Variants in CPNE2 observed in about 807,000 individuals in gnomAD.
CPNE2 encodes copine-2.
In CPNE2, 42 loss-of-function variants were observed where a neutral mutation model predicts 69.7. That is an observed-to-expected ratio of 0.60 (90% CI 0.47 to 0.78). CPNE2 has a LOEUF of 0.78. CPNE2 is among the 30% of genes least tolerant of loss of function. CPNE2 has a pLI of 0.00. For synonymous variants in CPNE2, 294 were observed against 289.8 expected (o/e 1.01, Z -0.15); for missense variants, 587 against 732.0 (o/e 0.80, Z 2.29).
chr16:57,097,087 C>G lies in CPNE2; in HGVS notation c.-36+4297C>G, dbSNP rs564427818. On this transcript the variant is annotated intron_variant, in intron 1 of 15. Transcript: ENST00000290776. ...GGCACCAGCTATGGCTGGGATACAG[C>G]CATGAACGAGAGAGACCAATGCCTT... is the stretch of plus-strand genomic sequence containing the variant. Among the ~76,000 whole-genome samples, 66 of 152,316 alleles carry G rather than the reference C, an allele frequency of 4.3e-4. No homozygotes were observed. In the South Asian group the frequency reaches 0.01, roughly 24 times the overall value.
At chr16:57,117,660 C>G in intron 5 of CPNE2, 93 bp downstream of exon 5, 1 of 1,389,860 alleles carries the variant, frequency 7.2e-7, no homozygotes. Flanking sequence ...CGGGCCACCA[C>G]CTCCATCACA....
chr16:57,133,130 C>G (rs1430174810), intron 12 of CPNE2, among the ~76,000 whole-genome samples: 2 of 152,162 alleles, frequency 1.3e-5, no homozygotes, highest in Non-Finnish European at 2.9e-5. Context: ...CCCTCGTAAT[C>G]TCTATAGAGG....
intron 1 of CPNE2, among the ~76,000 whole-genome samples, chr16:57,097,949 G>A (rs1333697595): frequency 1.3e-5 from 2 of 152,194 alleles, no homozygotes; most frequent in Non-Finnish European, 2.9e-5. Context: ...CAGGAGGGAG[G>A]AGTGGCAGGA....
chr16:57,137,862 C>A (rs2069894584), intron 14 of CPNE2, among the ~76,000 whole-genome samples: 1 of 152,252 alleles, frequency 6.6e-6, no homozygotes, highest in South Asian at 2.1e-4. Flanking sequence ...GCCCTACTGG[C>A]AGGGTCTGAT....
intron 12 of CPNE2, among the ~76,000 whole-genome samples, chr16:57,132,642 C>G (rs1265772998): frequency 3.9e-5 from 6 of 152,136 alleles, no homozygotes; most frequent in Non-Finnish European, 7.4e-5. Context: ...TCCCCAGGGG[C>G]CCCTCATCAG....
At chr16:57,112,990 C>T in intron 2 of CPNE2, 1 of 272,746 alleles carries the variant, frequency 3.7e-6, no homozygotes, top group South Asian at 7.1e-5. Flanking sequence ...GAGCTCTTAC[C>T]CTGGCACCTG....
intron 12 of CPNE2, among the ~76,000 whole-genome samples, chr16:57,131,865 G>T (rs931897206): frequency 6.6e-6 from 1 of 152,144 alleles, no homozygotes; most frequent in East Asian, 1.9e-4. Flanking sequence ...TTCTGCCACC[G>T]ATTTTCACCT....
chr16:57,115,475 G>A lies in CPNE2; in HGVS notation c.361-1G>A, dbSNP rs1283632939. 1.2e-6 allele frequency: 2 copies of A among 1,611,244 alleles called. No homozygotes were observed. Among genetic ancestry groups the A allele is most frequent in the Admixed American group, 3.3e-5 (2 of 59,760 alleles). ...AGCGCCCTTTCTCCTCTCTCCCCTA[G>A]ATCGTCTCCAGCAAGAAGATCACTA... On this transcript the variant is annotated splice_acceptor_variant, in intron 3 of 15. Coordinates refer to ENST00000290776, the MANE Select transcript of CPNE2 (RefSeq NM_152727.6). LOFTEE classifies it high-confidence loss of function.
rs1300583795 is a variant in CPNE2, at chr16:57,092,960, T to C, written c.-36+170T>C. Among the ~76,000 whole-genome samples the C allele has an allele frequency of 6.6e-6, 1 of 151,954 alleles. No individual in the cohort carries two copies. The highest frequency in any genetic ancestry group is 1.5e-5 in the Non-Finnish European group (1 of 67,918). ...GCGAACCCGGACTCCGGCGCTTCGG[T>C]GACTCAGCTCCGACCCGGCCACGCG... On this transcript the variant is annotated intron_variant, in intron 1 of 15. Transcript: ENST00000290776. This position sits in a 1 kb window ranked among gnomAD's most constrained non-coding sequence, Gnocchi z 5.3.
At chr16:57,110,607 T>C in intron 1 of CPNE2, 101 bp from the exon 2 acceptor site, 1 of 675,642 alleles carries the variant, frequency 1.5e-6, no homozygotes, top group Non-Finnish European at 2.3e-6. Context: ...GCCTTCCATC[T>C]CTCCACTCAC....
At chr16:57,113,819 A>C (rs1263916919) in intron 3 of CPNE2, among the ~76,000 whole-genome samples, 1 of 152,194 alleles carries the variant, frequency 6.6e-6, no homozygotes, top group African/African-American at 2.4e-5. Flanking sequence ...GACCTTGAGA[A>C]ACTTCCTTTC....
intron 1 of CPNE2, among the ~76,000 whole-genome samples, chr16:57,100,372 A>G (rs543211587): frequency 3.3e-5 from 5 of 152,364 alleles, no homozygotes; most frequent in African/African-American, 1.2e-4. Flanking sequence ...AGTGTGAGGG[A>G]GGGGACTTTG....
intron 1 of CPNE2, chr16:57,106,230 C>G (rs1645957): frequency 0.38 from 57,905 of 152,498 alleles, 11,754 homozygotes; most frequent in South Asian, 0.45. Flanking sequence ...CCCTTCCCAC[C>G]CACCCATTGC....
At position 57,146,014 on chromosome 16, in the gene CPNE2, T is replaced by A; in HGVS notation, c.1303-71T>A. 2 of 1,315,400 alleles carry A rather than the reference T, an allele frequency of 1.5e-6. No homozygotes were observed. The highest frequency in any genetic ancestry group is 2.9e-5 in the African/African-American group (2 of 68,978). The allele number at this position is 1,315,400 out of a possible 1,614,324, so 81.5% of individuals were successfully genotyped here. A position where few individuals can be genotyped will look rare whatever the true frequency, so the allele number is the denominator to read the frequency against. ...CCTCCAGGACTCGGAGGGTTTGGGA[T>A]GAAGGAGGGAGGGAGAAGGGGTGCC... On this transcript the variant is annotated intron_variant, in intron 14 of 15. Coordinates refer to ENST00000290776, the MANE Select transcript of CPNE2 (RefSeq NM_152727.6). The surrounding 1 kb of genome is among the most constrained non-coding windows in gnomAD (Gnocchi z 4.4).
intron 6 of CPNE2, 125 bp downstream of exon 6, chr16:57,119,403 A>T: frequency 8.8e-7 from 1 of 1,136,568 alleles, no homozygotes; most frequent in Non-Finnish European, 1.3e-6. Flanking sequence ...GTGGCACCTG[A>T]GGGATATGCT....
chr16:57,130,649 G>C lies in CPNE2; in HGVS notation c.1116+2746G>C. On this transcript the variant is annotated intron_variant, in intron 12 of 15. Transcript: ENST00000290776. The surrounding 1 kb of genome is among the most constrained non-coding windows in gnomAD (Gnocchi z 4.1). ...AAGCCAAGCAGTCAGGGCTCGGGGA[G>C]GAGGGAGTGGGGTTGGAGGCTGCCC... Among the ~76,000 whole-genome samples, 1 of 152,094 alleles carries C rather than the reference G, an allele frequency of 6.6e-6. No homozygotes were observed. Among genetic ancestry groups the C allele is most frequent in the African/African-American group, 2.4e-5 (1 of 41,428 alleles).
Position 57,137,199 on chromosome 16 carries a change from T to G in CPNE2, c.1219T>G (p.Phe407Val), listed in dbSNP as rs377640626. Residue 407 changes from phenylalanine to valine, a missense_variant, in exon 14 of 16, where the codon TTC becomes GTC. Around this residue, in one of 5 missense-constraint regions of CPNE2, gnomAD observed 185 missense variants for 252.3 expected, o/e 0.73. Transcript: ENST00000290776. ...AYSACLPHIRFYGPTNFSPIV... is the reference protein window; with the variant it reads ...AYSACLPHIRVYGPTNFSPIV... ...CTCAGCTTGCCTGCCCCACATCCGCTTCTACGGTCCTACCAATTTCTCCCC... is the reference window on the plus strand; with the variant it reads ...CTCAGCTTGCCTGCCCCACATCCGCGTCTACGGTCCTACCAATTTCTCCCC... The G allele has an allele frequency of 1.1e-4, 175 of 1,614,126 alleles. No individual in the cohort carries two copies. The highest frequency in any genetic ancestry group is 1.4e-4 in the Non-Finnish European group (168 of 1,180,048).
chr16:57,144,776 C>T (rs1597508959), intron 14 of CPNE2: 1 of 152,106 alleles, frequency 6.6e-6, no homozygotes, highest in Admixed American at 6.5e-5. Context: ...GGTGAAACCC[C>T]AACTCTACTG....
intron 1 of CPNE2, among the ~76,000 whole-genome samples, chr16:57,106,746 G>T (rs2145240935): frequency 6.6e-6 from 1 of 152,280 alleles, no homozygotes; most frequent in South Asian, 2.1e-4. Context: ...GGAGATGCAG[G>T]GGTGTGGACT....
Sources: allele counts gnomAD v4.1 joint callset (sites outside exome capture counted in the v4.1 genomes callset), GRCh38; gene constraint gnomAD v4.1.1; regional missense constraint gnomAD v4.1.1; non-coding constraint Gnocchi (gnomAD v3.1); transcripts MANE v1.5; gene names NCBI Gene and HGNC (gene_info 2026-07-23, HGNC 2026-07-21).